TRPM7: variants seen among roughly 807,000 people sequenced by gnomAD.
TRPM7 encodes transient receptor potential cation channel subfamily M member 7.
A neutral mutation model predicts 229.7 loss-of-function variants in TRPM7; 134 were observed. That is an observed-to-expected ratio of 0.58 (90% CI 0.51 to 0.67). The LOEUF is 0.67. Among genes scored for constraint, TRPM7 ranks in the 30% least tolerant of loss-of-function variants. The probability of loss-of-function intolerance (pLI) is 0.00; values close to 1 mark genes in which losing one functional copy is unlikely to be tolerated. For synonymous variants in TRPM7, 699 were observed against 715.2 expected (o/e 0.98, Z 0.36); for missense variants, 1,901 against 2,210.0 (o/e 0.86, Z 2.80).
chr15:50,678,535 T>C (rs1363009254), intron 1 of TRPM7, among the ~76,000 whole-genome samples: 1 of 146,326 alleles, frequency 6.8e-6, no homozygotes, highest in Non-Finnish European at 1.5e-5. Context: ...TATATATATA[T>C]ATATATACAC....
At chr15:50,657,966 T>C (rs372147184) in intron 2 of TRPM7, 147 bp from the exon 3 acceptor site, 43 of 548,550 alleles carry the variant, frequency 7.8e-5, no homozygotes, top group South Asian at 6.1e-4. Context: ...TATACCTTGA[T>C]TTATAATTCA....
chr15:50,581,319 T>A (rs2054397864), intron 29 of TRPM7, among the ~76,000 whole-genome samples: 1 of 151,868 alleles, frequency 6.6e-6, no homozygotes, highest in Admixed American at 6.6e-5. Context: ...GCCAATCTGG[T>A]GAAACCTCGT....
chr15:50,600,490 C>G (rs2059750061), intron 21 of TRPM7, among the ~76,000 whole-genome samples: 1 of 151,590 alleles, frequency 6.6e-6, no homozygotes, highest in South Asian at 2.1e-4. Context: ...CTTTCTCACT[C>G]TAGCAATATG....
chr15:50,642,219 A>G (rs905759855), intron 5 of TRPM7, among the ~76,000 whole-genome samples: 1 of 152,174 alleles, frequency 6.6e-6, no homozygotes, highest in Non-Finnish European at 1.5e-5. Flanking sequence ...GTATCAATTT[A>G]CCACTAGAAG....
intron 1 of TRPM7, among the ~76,000 whole-genome samples, chr15:50,667,381 T>C (rs879298292): frequency 6.6e-6 from 1 of 152,206 alleles, no homozygotes; most frequent in Non-Finnish European, 1.5e-5. Context: ...GTGTGTATGA[T>C]ATGAAAGAGC....
At chr15:50,682,251 A>C (rs7177733) in intron 1 of TRPM7, among the ~76,000 whole-genome samples, 2 of 151,170 alleles carry the variant, frequency 1.3e-5, no homozygotes, top group African/African-American at 4.9e-5. Context: ...ACTTCAAAAA[A>C]CTGCTTACCT....
At chr15:50,608,915 A>G (rs758337022) in intron 19 of TRPM7, among the ~76,000 whole-genome samples, 1 of 152,244 alleles carries the variant, frequency 6.6e-6, no homozygotes, top group Non-Finnish European at 1.5e-5. Flanking sequence ...CCAGCAAGAC[A>G]GCCAACTAAT....
At chr15:50,612,342 G>A (rs901335679) in intron 16 of TRPM7, among the ~76,000 whole-genome samples, 1 of 152,046 alleles carries the variant, frequency 6.6e-6, no homozygotes, top group African/African-American at 2.4e-5. Context: ...TAATTCTTGA[G>A]TTGCAAATAT....
intron 3 of TRPM7, among the ~76,000 whole-genome samples, chr15:50,649,395 C>T (rs555044250): frequency 6.7e-6 from 1 of 150,150 alleles, no homozygotes; most frequent in Non-Finnish European, 1.5e-5. Context: ...GGTCACACCA[C>T]TGTGCTCCAT....
At chr15:50,563,163 G>A in intron 38 of TRPM7, among the ~76,000 whole-genome samples, 1 of 152,174 alleles carries the variant, frequency 6.6e-6, no homozygotes, top group East Asian at 1.9e-4. Flanking sequence ...TAGTTTTACT[G>A]GAATGCAGTC....
At chr15:50,648,564 T>C in intron 4 of TRPM7, 123 bp downstream of exon 4, 1 of 757,416 alleles carries the variant, frequency 1.3e-6, no homozygotes, top group East Asian at 2.7e-5. Context: ...GTATGCACCT[T>C]TGTACTTTAA....
At chr15:50,629,739 T>C (rs978405165) in intron 10 of TRPM7, among the ~76,000 whole-genome samples, 9 of 151,928 alleles carry the variant, frequency 5.9e-5, no homozygotes, top group African/African-American at 2.2e-4. Context: ...AGTAAAGCCA[T>C]AGGAAATCTG....
At chr15:50,614,620 G>A (rs979206969) in intron 13 of TRPM7, among the ~76,000 whole-genome samples, 3 of 145,456 alleles carry the variant, frequency 2.1e-5, no homozygotes, top group African/African-American at 7.9e-5. Context: ...AGCCAAGATC[G>A]TGCCACTGCA....
chr15:50,632,783 A>C (rs1000934134), intron 9 of TRPM7, 86 bp downstream of exon 9: 3 of 1,274,568 alleles, frequency 2.4e-6, no homozygotes, highest in Non-Finnish European at 3.1e-6. Flanking sequence ...AAATAAAAAC[A>C]AAAGTATTTC....
intron 13 of TRPM7, among the ~76,000 whole-genome samples, chr15:50,618,361 G>A (rs979514684): frequency 6.6e-6 from 1 of 151,948 alleles, no homozygotes; most frequent in African/African-American, 2.4e-5. Flanking sequence ...ACGAGGTCAG[G>A]AGATCGAGAC....
intron 14 of TRPM7, 21 bp from the exon 15 acceptor site, chr15:50,613,862 GC>G: frequency 6.2e-7 from 1 of 1,601,290 alleles, no homozygotes; most frequent in Middle Eastern, 1.7e-4. Flanking sequence ...GATCTTATTA[GC>G]TTTTATAGAT....
chr15:50,574,930 G>T lies in TRPM7; in HGVS notation c.4941C>A (p.Ile1647=), dbSNP rs201677569. 153 of 1,613,866 alleles carry T rather than the reference G, an allele frequency of 9.5e-5. No individual in the cohort carries two copies. Among genetic ancestry groups the T allele is most frequent in the African/African-American group, 6.0e-4 (45 of 75,016 alleles). The part of the protein sequence containing the change: ...DILKSGHLYI[I]KSFLPEVVNT... ...TAACCACCTCTGGAAGAAAAGATTT[G>T]ATAATATAAAGATGCCCTGATTTGA... The change falls in exon 34 of 39, where the codon ATC becomes ATA. Residue 1647 remains isoleucine (I), a synonymous_variant. Transcript: ENST00000646667.
chr15:50,660,410 T>C (rs968457083), intron 2 of TRPM7, among the ~76,000 whole-genome samples: 1 of 152,186 alleles, frequency 6.6e-6, no homozygotes, highest in Non-Finnish European at 1.5e-5. Context: ...TGACTCACTT[T>C]GGGAGGCTGA....
At chr15:50,593,523 G>T in intron 25 of TRPM7, 94 bp downstream of exon 25, 1 of 1,343,678 alleles carries the variant, frequency 7.4e-7, no homozygotes, top group Non-Finnish European at 1.0e-6. Flanking sequence ...CTTATTGTTT[G>T]ACAAAATAAA....
Sources: allele counts gnomAD v4.1 joint callset (sites outside exome capture counted in the v4.1 genomes callset), GRCh38; gene constraint gnomAD v4.1.1; transcripts MANE v1.5; gene names NCBI Gene and HGNC (gene_info 2026-07-23, HGNC 2026-07-21).